The following PFKFB3 variants were observed in gnomAD, a reference collection of about 807,000 sequenced individuals.
The protein encoded by PFKFB3 is 6-phosphofructo-2-kinase/fructose-2,6-biphosphatase 3, also known as 6-phosphofructo-2-kinase/fructose-2,6-bisphosphatase 3.
A neutral mutation model predicts 68.0 loss-of-function variants in PFKFB3; 33 were observed. That is an observed-to-expected ratio of 0.49 (90% CI 0.37 to 0.65). PFKFB3 has a LOEUF of 0.65. Ranked by LOEUF, PFKFB3 falls within the 30% of genes least tolerant of loss-of-function variation. PFKFB3 has a pLI of 0.00. For missense variants in PFKFB3, 586 were observed against 712.2 expected (o/e 0.82, Z 2.02); for synonymous variants, 315 against 288.2 (o/e 1.09, Z -0.94).
chr10:6,276,629 G>GA, the PFKFB3 span, among the ~76,000 whole-genome samples: 10 of 130,442 alleles, frequency 7.7e-5, no homozygotes, highest in Admixed American at 7.8e-4. Context: ...TCCAATAAAG[G>GA]AAAAAACTTG....
chr10:6,167,166 C>T (rs112635314), intron 1 of PFKFB3, among the ~76,000 whole-genome samples: 182 of 152,354 alleles, frequency 1.2e-3, no homozygotes, highest in Middle Eastern at 6.8e-3. Flanking sequence ...CCCTCCACCC[C>T]ATGTGCCTAG....
At chr10:6,170,825 T>C (rs1842288105) in intron 1 of PFKFB3, among the ~76,000 whole-genome samples, 1 of 151,898 alleles carries the variant, frequency 6.6e-6, no homozygotes, top group Admixed American at 6.6e-5. Flanking sequence ...CAGAAAGTGC[T>C]TTCAGAAAAG....
the PFKFB3 span, among the ~76,000 whole-genome samples, chr10:6,275,346 A>G: frequency 3.3e-5 from 5 of 152,244 alleles, no homozygotes; most frequent in East Asian, 3.8e-4. The surrounding 1 kb of genome is among the most constrained non-coding windows in gnomAD (Gnocchi z 4.9). Context: ...AGAAGGTGCC[A>G]GTTCCCTCAG....
chr10:6,303,058 G>A, the PFKFB3 span, among the ~76,000 whole-genome samples: 1 of 152,156 alleles, frequency 6.6e-6, no homozygotes, highest in Non-Finnish European at 1.5e-5. Flanking sequence ...GTAAGATCAA[G>A]CGTAGGACTG....
the PFKFB3 span, among the ~76,000 whole-genome samples, chr10:6,303,467 T>TA: frequency 2.6e-4 from 40 of 151,500 alleles, no homozygotes; most frequent in Admixed American, 3.9e-4. Flanking sequence ...GGGTCCAGTT[T>TA]AAAAAAAAAT....
At position 6,253,050 on chromosome 10, in the gene PFKFB3, T is replaced by G. The variant is rs368839059; in HGVS notation, c.1516-1128T>G. Among the ~76,000 whole-genome samples the G allele has an allele frequency of 5.3e-4, 80 of 152,326 alleles. 2 individuals are homozygous for G. In the Middle Eastern group the frequency reaches 0.01, roughly 19 times the overall value. On this transcript the variant is annotated intron_variant, in intron 14 of 14. Coordinates refer to the PFKFB3 transcript ENST00000640683. ...TCTCTGCCTCAGCCTCCTGAGTAGC[T>G]GGGATTACAGGTGTCCACCACCACA...
At chr10:6,322,947 C>A in the PFKFB3 span, among the ~76,000 whole-genome samples, 1 of 152,174 alleles carries the variant, frequency 6.6e-6, no homozygotes, top group Non-Finnish European at 1.5e-5. Flanking sequence ...TGGGGACAGA[C>A]CCTGGTGAGT....
chr10:6,239,336 T>A (rs1382658202), downstream of PFKFB3, among the ~76,000 whole-genome samples: 1 of 152,196 alleles, frequency 6.6e-6, no homozygotes, highest in Admixed American at 6.5e-5. Context: ...TGCTCAGCCA[T>A]AACTGAGATA....
At chr10:6,303,479 A>G in the PFKFB3 span, among the ~76,000 whole-genome samples, 1 of 152,178 alleles carries the variant, frequency 6.6e-6, no homozygotes, top group Non-Finnish European at 1.5e-5. Context: ...AAAAAAAATG[A>G]CAATCAATGC....
chr10:6,307,559 TTCCTTCCTTCC>T, the PFKFB3 span, among the ~76,000 whole-genome samples: 1 of 148,966 alleles, frequency 6.7e-6, no homozygotes, highest in African/African-American at 2.5e-5. Flanking sequence ...CCTTCCTTCC[TTCCTTCCTTCC>T]TCCTTCTCTC....
At chr10:6,281,166 C>CATATATATATATATATATATATATAT in the PFKFB3 span, among the ~76,000 whole-genome samples, 13 of 84,544 alleles carry the variant, frequency 1.5e-4, no homozygotes, top group African/African-American at 4.3e-4. Flanking sequence ...AGTATTCCAT[C>CATATATATATATATATATATATATAT]ATATATATAT....
chr10:6,243,762 G>A (rs563065603), intron 14 of PFKFB3, among the ~76,000 whole-genome samples: 29 of 152,112 alleles, frequency 1.9e-4, no homozygotes, highest in Non-Finnish European at 3.2e-4. Flanking sequence ...TTGCTAGGTC[G>A]CCCAAGGCTG....
the PFKFB3 span, among the ~76,000 whole-genome samples, chr10:6,316,725 A>G: frequency 1.3e-5 from 2 of 152,070 alleles, no homozygotes; most frequent in African/African-American, 4.8e-5. Context: ...TGACTCCCAA[A>G]GTGCTAGGAT....
chr10:6,157,296 G>C (rs139870634), intron 1 of PFKFB3, among the ~76,000 whole-genome samples: 3 of 150,184 alleles, frequency 2.0e-5, no homozygotes, highest in Non-Finnish European at 4.4e-5. Context: ...GCGCGATCTC[G>C]GCTCACTGCA....
chr10:6,193,288 C>T (rs1843082622), intron 1 of PFKFB3, among the ~76,000 whole-genome samples: 1 of 152,154 alleles, frequency 6.6e-6, no homozygotes, highest in Non-Finnish European at 1.5e-5. Context: ...AAACTCTAGG[C>T]TGCACTAGAG....
chr10:6,229,327 C>CGA lies in PFKFB3; in HGVS notation c.1515+2962_1515+2963insGA. ...GTTTAATGGTTGAGGGGCTGAGTGACCGGCCCGTGCTTCCAGCAGGTGAGC... is the reference window on the plus strand; with the variant it reads ...GTTTAATGGTTGAGGGGCTGAGTGACGACGGCCCGTGCTTCCAGCAGGTGAGC... On this transcript the variant is annotated intron_variant, in intron 14 of 14. Transcript: ENST00000379775. This position sits in a 1 kb window ranked among gnomAD's most constrained non-coding sequence, Gnocchi z 4.3. 2.8e-6 allele frequency: 1 copy of CGA among 360,496 alleles called. No homozygotes were observed. The highest frequency in any genetic ancestry group is 3.4e-5 in the Admixed American group (1 of 29,384). 22.3% of individuals were successfully genotyped at this position (360,496 alleles called of 1,614,324 possible). A position where few individuals can be genotyped will look rare whatever the true frequency, so the allele number is the denominator to read the frequency against.
chr10:6,153,227 T>C (rs1279207145), intron 1 of PFKFB3, among the ~76,000 whole-genome samples: 2 of 151,794 alleles, frequency 1.3e-5, no homozygotes, highest in African/African-American at 2.4e-5. Context: ...AAGCAAGAAA[T>C]GTAATTGAAA....
downstream of PFKFB3, chr10:6,235,607 C>T (rs540208641): frequency 1.2e-4 from 18 of 152,366 alleles, no homozygotes; most frequent in African/African-American, 3.9e-4. Flanking sequence ...AGATGCGCCA[C>T]GGAGCTGCCA....
downstream of PFKFB3, among the ~76,000 whole-genome samples, chr10:6,238,775 T>C (rs553018543): frequency 6.6e-6 from 1 of 152,178 alleles, no homozygotes; most frequent in African/African-American, 2.4e-5. Context: ...TGTGTCCATG[T>C]GTTCTCATTA....
Sources: allele counts gnomAD v4.1 joint callset (sites outside exome capture counted in the v4.1 genomes callset), GRCh38; gene constraint gnomAD v4.1.1; non-coding constraint Gnocchi (gnomAD v3.1); transcripts MANE v1.5; gene names NCBI Gene and HGNC (gene_info 2026-07-23, HGNC 2026-07-21).